NEK4: variants seen among roughly 807,000 people sequenced by gnomAD.
NEK4 encodes NIMA related kinase 4.
In NEK4, 86 loss-of-function variants were observed where a neutral mutation model predicts 98.4. The observed-to-expected ratio is 0.87, with a 90% confidence interval of 0.73 to 1.05. The LOEUF (loss-of-function observed/expected upper bound fraction) is 1.05. NEK4 is among the 50% of genes least tolerant of loss of function. The probability of loss-of-function intolerance (pLI) is 0.00; values close to 1 mark genes in which losing one functional copy is unlikely to be tolerated. For synonymous variants in NEK4, 328 were observed against 342.2 expected, an observed-to-expected ratio of 0.96 and a Z score of 0.46; for missense variants, 898 against 950.3, an observed-to-expected ratio of 0.94 and a Z score of 0.72.
Position 52,739,688 on chromosome 3 carries a change from A to T in NEK4, c.2094-54T>A, listed in dbSNP as rs72960252. Reference sequence around the variant, plus strand: ...TTAATTGGCTTCATGAGAATTTTTCATTAAAAAATTACGTGCAAAACGACC... The same window carrying T: ...TTAATTGGCTTCATGAGAATTTTTCTTTAAAAAATTACGTGCAAAACGACC... On this transcript the variant is annotated intron_variant, in intron 13 of 15. Coordinates refer to ENST00000233027, the MANE Select transcript of NEK4 (RefSeq NM_003157.6). 429 of 1,489,684 alleles carry T rather than the reference A, an allele frequency of 2.9e-4. 1 individual carries two copies. The African/African-American group carries it at 5.3e-3, about 18-fold the overall frequency. The allele number at this position is 1,489,684 out of a possible 1,614,324, so 92.3% of individuals were successfully genotyped here. A position where few individuals can be genotyped will look rare whatever the true frequency, so the allele number is the denominator to read the frequency against.
intron 6 of NEK4, among the ~76,000 whole-genome samples, chr3:52,752,954 A>ACAC (rs1315107149): frequency 2.9e-5 from 4 of 137,302 alleles, no homozygotes; most frequent in Non-Finnish European, 4.7e-5. Flanking sequence ...ACACACACAC[A>ACAC]ATGGAATATT....
At chr3:52,712,750 G>A (rs1454352010) in intron 15 of NEK4, among the ~76,000 whole-genome samples, 4 of 152,174 alleles carry the variant, frequency 2.6e-5, no homozygotes, top group African/African-American at 9.7e-5. Context: ...TCTGCTGGTC[G>A]ATGGCCTGCT....
At chr3:52,759,105 G>GAAAA (rs201147041) in intron 6 of NEK4, among the ~76,000 whole-genome samples, 2 of 112,586 alleles carry the variant, frequency 1.8e-5, no homozygotes, top group Admixed American at 8.6e-5. Flanking sequence ...AAAGAAAAAA[G>GAAAA]AAAAAAAAAA....
At chr3:52,730,405 G>A (rs541045144) in intron 15 of NEK4, among the ~76,000 whole-genome samples, 1 of 152,340 alleles carries the variant, frequency 6.6e-6, no homozygotes, top group South Asian at 2.1e-4. Flanking sequence ...AGAGAGTTGA[G>A]GAGGAAGGGG....
chr3:52,723,970 C>A (rs1175296211), intron 15 of NEK4, among the ~76,000 whole-genome samples: 2 of 152,164 alleles, frequency 1.3e-5, no homozygotes, highest in Non-Finnish European at 2.9e-5. Flanking sequence ...TAGTGGCTCA[C>A]ACCTGCTATC....
chr3:52,741,393 A>C lies in NEK4; in HGVS notation c.2093+18T>G. 3 of 1,467,702 alleles carry C rather than the reference A, an allele frequency of 2.0e-6. No homozygotes were observed. Among genetic ancestry groups the C allele is most frequent in the Non-Finnish European group, 2.9e-6 (3 of 1,048,014 alleles). The allele number at this position is 1,467,702 out of a possible 1,614,324, so 90.9% of individuals were successfully genotyped here. ...ACAGAAATAGTTTATAAAGGGAGACAGAAAAACAAGAACTTACCCTTCCCC... is the reference window on the plus strand; with the variant it reads ...ACAGAAATAGTTTATAAAGGGAGACCGAAAAACAAGAACTTACCCTTCCCC... On this transcript the variant is annotated intron_variant, in intron 13 of 15. Transcript: ENST00000233027.
chr3:52,748,020 C>T (rs1285298160), intron 8 of NEK4, among the ~76,000 whole-genome samples: 1 of 151,882 alleles, frequency 6.6e-6, no homozygotes, highest in African/African-American at 2.4e-5. Flanking sequence ...AGTGCAATGG[C>T]GCGATCTCGG....
chr3:52,746,606 T>G, intron 9 of NEK4, 128 bp downstream of exon 9: 1 of 792,520 alleles, frequency 1.3e-6, no homozygotes, highest in South Asian at 1.9e-5. Context: ...TTTAGCATCT[T>G]GCCATTGTCA....
intron 15 of NEK4, among the ~76,000 whole-genome samples, chr3:52,722,229 T>C (rs2097360763): frequency 6.6e-6 from 1 of 152,106 alleles, no homozygotes; most frequent in African/African-American, 2.4e-5. Flanking sequence ...CATCACTCAA[T>C]AAAATTCTTC....
intron 15 of NEK4, among the ~76,000 whole-genome samples, chr3:52,725,821 TA>T (rs1231834705): frequency 1.3e-5 from 2 of 151,810 alleles, no homozygotes; most frequent in East Asian, 3.9e-4. Context: ...ATTAAAAAAC[TA>T]TAATGCATAC....
intron 4 of NEK4, among the ~76,000 whole-genome samples, chr3:52,764,635 A>G (rs920727250): frequency 8.5e-5 from 13 of 152,190 alleles, no homozygotes; most frequent in Non-Finnish European, 2.9e-5. Context: ...TGTCTCAAAA[A>G]AAAAAAAACT....
chr3:52,714,828 G>A (rs980209679), intron 15 of NEK4, among the ~76,000 whole-genome samples: 1 of 152,238 alleles, frequency 6.6e-6, no homozygotes, highest in Non-Finnish European at 1.5e-5. Context: ...TCTCAGAGCG[G>A]GGTAAGCCCA....
At chr3:52,723,820 C>G (rs1199199773) in intron 15 of NEK4, among the ~76,000 whole-genome samples, 2 of 152,092 alleles carry the variant, frequency 1.3e-5, no homozygotes, top group Non-Finnish European at 2.9e-5. Context: ...GAAAAATTCA[C>G]AAGTTTGATG....
chr3:52,717,030 G>A (rs1357351389), intron 15 of NEK4, among the ~76,000 whole-genome samples: 1 of 152,130 alleles, frequency 6.6e-6, no homozygotes, highest in East Asian at 1.9e-4. Flanking sequence ...GGAGGGTGCA[G>A]GCAAGAAGTG....
In NEK4 at chr3:52,765,912, A is replaced by G. The variant is rs1282009631; in HGVS notation, c.641T>C (p.Leu214Ser). Reference protein sequence around the residue: ...HAFNAKDMNSLVYRIIEGKLP... With the variant: ...HAFNAKDMNSSVYRIIEGKLP... ...CTTTCCTTCAATAATCCGATAAACTAAAGAATTCATATCTTTTGCATTGAA... is the reference window on the plus strand; with the variant it reads ...CTTTCCTTCAATAATCCGATAAACTGAAGAATTCATATCTTTTGCATTGAA... Residue 214 changes from leucine to serine, a missense_variant, in exon 4 of 16, where the codon TTA (leucine) becomes TCA (serine). Physicochemically the swap from Leu to Ser is moderately radical, Grantham distance 145 (BLOSUM62 -2). Transcript: ENST00000233027. 1.2e-6 allele frequency: 2 copies of G among 1,607,016 alleles called. No individual in the cohort carries two copies. The highest frequency in any genetic ancestry group is 1.7e-5 in the Admixed American group (1 of 59,996).
chr3:52,723,218 T>C lies in NEK4; in HGVS notation c.2434-11349A>G, dbSNP rs576905355. 5.9e-5 allele frequency among the ~76,000 whole-genome samples: 9 copies of C among 151,802 alleles called. No homozygotes were observed. In the South Asian group the frequency reaches 1.9e-3, roughly 32 times the overall value. ...TCTCAAAATAAAATAAAATGATGTATAAATAAAACAAATATCAGTAAAGAG... is the reference window on the plus strand; with the variant it reads ...TCTCAAAATAAAATAAAATGATGTACAAATAAAACAAATATCAGTAAAGAG... On this transcript the variant is annotated intron_variant, in intron 15 of 15. Coordinates refer to ENST00000233027, the MANE Select transcript of NEK4 (RefSeq NM_003157.6).
At chr3:52,754,990 C>G (rs1578685639) in intron 6 of NEK4, among the ~76,000 whole-genome samples, 1 of 150,594 alleles carries the variant, frequency 6.6e-6, no homozygotes, top group East Asian at 2.0e-4. Flanking sequence ...AGGAGAATGG[C>G]GTGAACCCGG....
In NEK4 at chr3:52,711,759, G is replaced by A. The variant is rs758254168; in HGVS notation, c.*18C>T. ...TAAAAATAGGTCTTTAATTCTGGCA[G>A]CAGATTAGGACAAATGCTCAAAAAT... On this transcript the variant is annotated 3_prime_UTR_variant, in exon 16 of 16. Transcript: ENST00000233027. 1 of 1,512,660 alleles carries A rather than the reference G, an allele frequency of 6.6e-7. No individual in the cohort carries two copies. The highest frequency in any genetic ancestry group is 1.4e-5 in the African/African-American group (1 of 72,914). 93.7% of individuals were successfully genotyped at this position (1,512,660 alleles called of 1,614,324 possible).
At chr3:52,718,028 A>C (rs2097356780) in intron 15 of NEK4, among the ~76,000 whole-genome samples, 1 of 151,828 alleles carries the variant, frequency 6.6e-6, no homozygotes, top group African/African-American at 2.4e-5. Flanking sequence ...TCTTGACCTC[A>C]AGTGATCTGC....
Sources: allele counts gnomAD v4.1 joint callset (sites outside exome capture counted in the v4.1 genomes callset), GRCh38; gene constraint gnomAD v4.1.1; transcripts MANE v1.5; gene names NCBI Gene and HGNC (gene_info 2026-07-23, HGNC 2026-07-21).